Variants in SH2B3 observed in about 807,000 individuals in gnomAD.
SH2B3 encodes the protein SH2B adaptor protein 3, also known as SH2B adapter protein 3.
SH2B3 carries 43 observed loss-of-function variants against 51.9 expected under a neutral mutation model. The ratio of observed to expected loss-of-function variants is 0.83; its 90% CI spans 0.65 to 1.07. The LOEUF is 1.07. Among genes scored for constraint, SH2B3 ranks in the 50% least tolerant of loss-of-function variants. The pLI, the probability that SH2B3 is intolerant of heterozygous loss-of-function variation, is 0.00. For missense variants in SH2B3, 952 were observed against 834.3 expected, an observed-to-expected ratio of 1.14 and a Z score of -1.74; for synonymous variants, 396 against 376.0, an observed-to-expected ratio of 1.05 and a Z score of -0.62.
rs1874203321 is a variant in SH2B3, at chr12:111,447,988, T to G, written c.1414T>G (p.Cys472Gly). 1 of 1,606,272 alleles carries G rather than the reference T, an allele frequency of 6.2e-7. No homozygotes were observed. Among genetic ancestry groups the G allele is most frequent in the Non-Finnish European group, 8.5e-7 (1 of 1,175,232 alleles). The change falls in exon 8 of 8, where the codon TGC becomes GGC. Residue 472 changes from cysteine (C) to glycine (G), a missense_variant. Transcript: ENST00000341259. ...VVVVSQPPGS[C>G]NTVLFPFSLP... ...CTCTTGGTCACTTGTCCTAGGTTCC[T>G]GCAACACGGTCCTCTTCCCTTTCTC... is the stretch of plus-strand genomic sequence containing the variant.
chr12:111,419,178 C>G (rs1225139006), intron 2 of SH2B3, among the ~76,000 whole-genome samples: 2 of 152,164 alleles, frequency 1.3e-5, no homozygotes, highest in East Asian at 3.9e-4. Flanking sequence ...TGGTACGTGC[C>G]TGTGGTCCCA....
At position 111,446,946 on chromosome 12, in the gene SH2B3, A is replaced by G. The variant is rs1262369462; in HGVS notation, c.839A>G (p.Lys280Arg). The G allele has an allele frequency of 6.2e-7, 1 of 1,613,762 alleles. No homozygotes were observed. Among genetic ancestry groups the G allele is most frequent in the African/African-American group, 1.3e-5 (1 of 74,890 alleles). ...TGTTCCCTTCCTCCCTGCCAGGTGA[A>G]GGACCGGACAGACATCATCTTTGAG... ...DNLYTFVLKV[K>R]DRTDIIFEVG... Residue 280 changes from lysine (K) to arginine (R), a missense_variant, in exon 4 of 8, where the codon AAG (lysine) becomes AGG (arginine). Lys to Arg is a conservative substitution (Grantham distance 26). Transcript: ENST00000341259.
rs1874280477 is a variant in SH2B3, at chr12:111,448,460, T to C, written c.*158T>C. The C allele has an allele frequency of 1.6e-6, 1 of 620,956 alleles. No individual in the cohort carries two copies. Among genetic ancestry groups the C allele is most frequent in the Non-Finnish European group, 2.8e-6 (1 of 354,876 alleles). 38.5% of individuals were successfully genotyped at this position (620,956 alleles called of 1,614,324 possible). ...TTGGAAGTGACCCTTCTATTAGGCC[T>C]GTTGAAGGGCCCTCCTGTAGGTTTC... On this transcript the variant is annotated 3_prime_UTR_variant, in exon 8 of 8. Coordinates refer to ENST00000341259, the MANE Select transcript of SH2B3 (RefSeq NM_005475.3).
rs1188015300 is a variant in SH2B3 at position 111,447,535 on chromosome 12, G to A, written c.1227G>A (p.Gly409=). 5 of 1,034,634 alleles carry A rather than the reference G, an allele frequency of 4.8e-6. No individual in the cohort carries two copies. Among genetic ancestry groups the A allele is most frequent in the Middle Eastern group, 2.2e-4 (1 of 4,620 alleles). The allele number at this position is 1,034,634 out of a possible 1,614,324, so 64.1% of individuals were successfully genotyped here. A position where few individuals can be genotyped will look rare whatever the true frequency, so the allele number is the denominator to read the frequency against. Residue 409 remains glycine, a synonymous_variant, in exon 6 of 8, where the codon GGG becomes GGA. Transcript: ENST00000341259. ...GEYVLTFNFQ[G]IAKHLRLSLT... ...ACGTGCTCACTTTCAACTTTCAGGG[G>A]ATAGCCAAGGTATGGGGTGGGGTGG...
chr12:111,418,691 C>A lies in SH2B3; in HGVS notation c.546C>A (p.Phe182Leu). Residue 182 changes from phenylalanine to leucine, a missense_variant, in exon 2 of 8, where the codon TTC becomes TTA. Transcript: ENST00000341259. The surrounding 1 kb of genome is among the most constrained non-coding windows in gnomAD (Gnocchi z 6.7). The part of the protein sequence containing the change: ...TPARPGLAKK[F>L]LPWSLAREPP... ...CCCGGCCTGGCCTGGCCAAGAAGTT[C>A]CTGCCCTGGAGCCTGGCCCGGGAGC... is the stretch of plus-strand genomic sequence containing the variant. The A allele has an allele frequency of 6.7e-7, 1 of 1,489,236 alleles. No homozygotes were observed. The highest frequency in any genetic ancestry group is 2.9e-5 in the East Asian group (1 of 34,722). 92.3% of individuals were successfully genotyped at this position (1,489,236 alleles called of 1,614,324 possible). A position where few individuals can be genotyped will look rare whatever the true frequency, so the allele number is the denominator to read the frequency against.
rs539967105 is a variant in SH2B3, at chr12:111,434,337, A to C, written c.733-12416A>C. Among the ~76,000 whole-genome samples, 7 of 152,342 alleles carry C rather than the reference A, an allele frequency of 4.6e-5. No individual in the cohort carries two copies. The South Asian group carries it at 8.3e-4, about 18-fold the overall frequency. On this transcript the variant is annotated intron_variant, in intron 2 of 7. Transcript: ENST00000341259. ...AAACTCCCTGCCTCCAGCCCGTGGC[A>C]ACCACTGATCTTTCTGTCCCCGTGG...
rs1033158881 is a variant in SH2B3, at chr12:111,418,897, G to A, written c.732+20G>A. The stretch of plus-strand genomic sequence containing the variant: ...CCCAAGGTAAGTAAGCCCTGCCCGC[G>A]GGGTTGCGCACTGCACTGCGCCCTT... On this transcript the variant is annotated intron_variant, in intron 2 of 7. Transcript: ENST00000341259. This position sits in a 1 kb window ranked among gnomAD's most constrained non-coding sequence, Gnocchi z 6.7. 2.9e-6 allele frequency: 4 copies of A among 1,390,924 alleles called. No homozygotes were observed. In the East Asian group the frequency reaches 9.2e-5, roughly 32 times the overall value. 86.2% of individuals were successfully genotyped at this position (1,390,924 alleles called of 1,614,324 possible).
chr12:111,447,802 C>T lies in SH2B3; in HGVS notation c.1383C>T (p.Tyr461=), dbSNP rs780551907. The change falls in exon 7 of 8, where the codon TAC becomes TAT. Residue 461 remains tyrosine (Y), a synonymous_variant. Transcript: ENST00000341259. The part of the protein sequence containing the change: ...GAACDVRLSS[Y]VVVVSQPPGS... ...CCTGTGATGTCCGGCTCTCCAGCTACGTGGTAGTCGTCTCCCAACCACCAG... is the reference window on the plus strand; with the variant it reads ...CCTGTGATGTCCGGCTCTCCAGCTATGTGGTAGTCGTCTCCCAACCACCAG... 1.1e-5 allele frequency: 17 copies of T among 1,613,950 alleles called. No homozygotes were observed. The highest frequency in any genetic ancestry group is 8.3e-5 in the Admixed American group (5 of 59,994).
In SH2B3 at chr12:111,409,513, G is replaced by A. The variant is rs956040933; in HGVS notation, c.-28+3236G>A. On this transcript the variant is annotated intron_variant, in intron 1 of 7. Transcript: ENST00000341259. This position sits in a 1 kb window ranked among gnomAD's most constrained non-coding sequence, Gnocchi z 4.0. The stretch of plus-strand genomic sequence containing the variant: ...GACGCCTGCCTCGGCGAGTCCAGAG[G>A]TGCAGTGCTAGCTGCTCATTCCCTG... Among the ~76,000 whole-genome samples, 5 of 152,186 alleles carry A rather than the reference G, an allele frequency of 3.3e-5. No individual in the cohort carries two copies. The highest frequency in any genetic ancestry group is 9.7e-5 in the African/African-American group (4 of 41,438).
intron 2 of SH2B3, chr12:111,444,086 T>G (rs945206474): frequency 6.6e-6 from 1 of 152,192 alleles, no homozygotes; most frequent in African/African-American, 2.4e-5. Flanking sequence ...TCCCAGCTAC[T>G]GCGGAAGCTG....
At chr12:111,422,575 T>TC (rs1227070673) in intron 2 of SH2B3, among the ~76,000 whole-genome samples, 22 of 151,184 alleles carry the variant, frequency 1.5e-4, no homozygotes, top group African/African-American at 4.7e-4. Context: ...TTTTTTTTTT[T>TC]CTTGAGATGG....
chr12:111,438,565 AG>A lies in SH2B3; in HGVS notation c.733-8186del, dbSNP rs1811127246. ...GCACAAAGGATGCTTAGCCAGCAAAAGGCTTATGATGAATGTTGAGCACCCA... is the reference window on the plus strand; with the variant it reads ...GCACAAAGGATGCTTAGCCAGCAAAAGCTTATGATGAATGTTGAGCACCCA... On this transcript the variant is annotated intron_variant, in intron 2 of 7. Transcript: ENST00000341259. The surrounding 1 kb of genome is among the most constrained non-coding windows in gnomAD (Gnocchi z 4.2). Among the ~76,000 whole-genome samples the A allele has an allele frequency of 6.6e-6, 1 of 152,154 alleles. No individual in the cohort carries two copies. The highest frequency in any genetic ancestry group is 1.5e-5 in the Non-Finnish European group (1 of 68,024).
At chr12:111,447,869 TGGGTAGA>T (rs1218173055) in intron 7 of SH2B3, 42 bp downstream of exon 7, 2 of 1,599,538 alleles carry the variant, frequency 1.3e-6, no homozygotes, top group Admixed American at 1.7e-5. Flanking sequence ...TGGCTGACAC[TGGGTAGA>T]GGGTAGAGGC....
chr12:111,425,412 C>T (rs942091102), intron 2 of SH2B3, among the ~76,000 whole-genome samples: 2 of 152,136 alleles, frequency 1.3e-5, no homozygotes, highest in African/African-American at 4.8e-5. Context: ...CAGCAAAGGC[C>T]TCTTGGCAGG....
chr12:111,419,525 C>T (rs1250950811), intron 2 of SH2B3, among the ~76,000 whole-genome samples: 2 of 151,908 alleles, frequency 1.3e-5, no homozygotes, highest in Non-Finnish European at 2.9e-5. Context: ...GTAATCCCGG[C>T]TACTTGGGAG....
intron 2 of SH2B3, among the ~76,000 whole-genome samples, chr12:111,440,383 G>A (rs1389078718): frequency 1.3e-5 from 2 of 152,212 alleles, no homozygotes; most frequent in East Asian, 1.9e-4. Flanking sequence ...GAACCATGAC[G>A]TCCTACTTGG....
At chr12:111,440,715 C>G (rs1443626514) in intron 2 of SH2B3, among the ~76,000 whole-genome samples, 1 of 152,246 alleles carries the variant, frequency 6.6e-6, no homozygotes, top group Admixed American at 6.5e-5. Flanking sequence ...TCAGCAAACG[C>G]TACTGCTCCT....
chr12:111,448,203 G>A lies in SH2B3; in HGVS notation c.1629G>A (p.Glu543=). The A allele has an allele frequency of 1.2e-6, 2 of 1,614,124 alleles. No individual in the cohort carries two copies. The highest frequency in any genetic ancestry group is 1.7e-6 in the Non-Finnish European group (2 of 1,180,020). Residue 543 remains glutamate, a synonymous_variant, in exon 8 of 8, where the codon GAG becomes GAA. Transcript: ENST00000341259. The part of the protein sequence containing the change: ...EELANSLQHL[E]HEPVNRARDS... ...TGGCCAACAGCCTGCAGCACCTGGA[G>A]CATGAGCCTGTGAATCGAGCCCGGG...
In SH2B3 at chr12:111,418,395, G is replaced by T; in HGVS notation, c.250G>T (p.Ala84Ser). 1 of 1,496,336 alleles carries T rather than the reference G, an allele frequency of 6.7e-7. No homozygotes were observed. Among genetic ancestry groups the T allele is most frequent in the South Asian group, 1.2e-5 (1 of 80,796 alleles). 92.7% of individuals were successfully genotyped at this position (1,496,336 alleles called of 1,614,324 possible). Residue 84 changes from alanine to serine, a missense_variant, in exon 2 of 8, where the codon GCG (alanine) becomes TCG (serine). Coordinates refer to ENST00000341259, the MANE Select transcript of SH2B3 (RefSeq NM_005475.3). The surrounding 1 kb of genome is among the most constrained non-coding windows in gnomAD (Gnocchi z 6.7). ...CTGCCGCGAGGTGCGCGACGGACGG[G>T]CGCCGGGCCGCGACTACCGGGACAC... ...YFCREVRDGR[A>S]PGRDYRDTGR...
Sources: allele counts gnomAD v4.1 joint callset (sites outside exome capture counted in the v4.1 genomes callset), GRCh38; gene constraint gnomAD v4.1.1; non-coding constraint Gnocchi (gnomAD v3.1); transcripts MANE v1.5; gene names NCBI Gene and HGNC (gene_info 2026-07-23, HGNC 2026-07-21).